The following PKIB variants were observed in gnomAD, a reference collection of about 807,000 sequenced individuals.
PKIB encodes the protein cAMP-dependent protein kinase inhibitor beta, also known as PKI-beta.
PKIB carries 2 observed loss-of-function variants against 4.5 expected under a neutral mutation model. That is an observed-to-expected ratio of 0.44 (90% CI 0.18 to 1.39). The LOEUF is 1.39. PKIB is among the 40% of genes most tolerant of loss of function. The pLI is 0.27. For missense variants in PKIB, 94 were observed against 92.6 expected (o/e 1.02, Z -0.06); for synonymous variants, 38 against 36.0 (o/e 1.06, Z -0.20).
At chr6:122,600,011 A>ATAGCTATAGCTATATC (rs1774311576) in intron 3 of PKIB, among the ~76,000 whole-genome samples, 2 of 151,774 alleles carry the variant, frequency 1.3e-5, no homozygotes, top group African/African-American at 4.8e-5. Flanking sequence ...ATCTATATCT[A>ATAGCTATAGCTATATC]TATCTATATC....
chr6:122,660,505 C>G (rs376571790), intron 2 of PKIB, among the ~76,000 whole-genome samples: 214 of 152,250 alleles, frequency 1.4e-3, no homozygotes, highest in African/African-American at 5.0e-3. Context: ...GTCACGTTCT[C>G]CATGCTTGGA....
At chr6:122,684,248 A>C (rs1778010512) in intron 3 of PKIB, among the ~76,000 whole-genome samples, 1 of 152,238 alleles carries the variant, frequency 6.6e-6, no homozygotes, top group Non-Finnish European at 1.5e-5. Context: ...AAAATGAGTA[A>C]GCTCTACAGA....
intron 3 of PKIB, among the ~76,000 whole-genome samples, chr6:122,603,678 G>A (rs1050829290): frequency 6.6e-6 from 1 of 152,020 alleles, no homozygotes; most frequent in African/African-American, 2.4e-5. Context: ...ATGGGGTTTT[G>A]CCACGTTGGC....
intron 1 of PKIB, among the ~76,000 whole-genome samples, chr6:122,632,790 T>A (rs144385667): frequency 6.6e-6 from 1 of 152,338 alleles, no homozygotes; most frequent in African/African-American, 2.4e-5. Flanking sequence ...GATGAACGGT[T>A]GCAGGGATAT....
intron 2 of PKIB, among the ~76,000 whole-genome samples, chr6:122,519,511 A>G (rs902591151): frequency 2.0e-5 from 3 of 152,168 alleles, no homozygotes; most frequent in Non-Finnish European, 4.4e-5. Flanking sequence ...TGGTGTCAAA[A>G]AGGTTGGAGA....
intron 2 of PKIB, among the ~76,000 whole-genome samples, chr6:122,505,705 C>T (rs1349352154): frequency 1.3e-5 from 2 of 151,898 alleles, no homozygotes; most frequent in Admixed American, 6.6e-5. Context: ...TTTTTTATCC[C>T]TTTTTTTAGA....
At chr6:122,715,693 A>G (rs1027288232) in intron 3 of PKIB, among the ~76,000 whole-genome samples, 1 of 150,850 alleles carries the variant, frequency 6.6e-6, no homozygotes, top group Non-Finnish European at 1.5e-5. Flanking sequence ...ACTTTAACAA[A>G]CTTTTAGATA....
chr6:122,552,592 C>T (rs9388092), intron 2 of PKIB, among the ~76,000 whole-genome samples: 4 of 151,898 alleles, frequency 2.6e-5, no homozygotes, highest in East Asian at 3.9e-4. Context: ...TTGCCAGGCT[C>T]GTCTCAAACT....
chr6:122,586,360 A>G (rs1260885145), intron 3 of PKIB, among the ~76,000 whole-genome samples: 1 of 152,140 alleles, frequency 6.6e-6, no homozygotes, highest in Non-Finnish European at 1.5e-5. Context: ...TAATGTAACT[A>G]TATTTTCTAT....
At chr6:122,523,744 C>T (rs541853859) in intron 2 of PKIB, among the ~76,000 whole-genome samples, 1 of 151,710 alleles carries the variant, frequency 6.6e-6, no homozygotes, top group African/African-American at 2.4e-5. Flanking sequence ...GATCAAGCCA[C>T]TGCACTCCAG....
chr6:122,624,172 A>G (rs910325141), intron 1 of PKIB, among the ~76,000 whole-genome samples: 7 of 152,192 alleles, frequency 4.6e-5, no homozygotes, highest in South Asian at 4.1e-4. Flanking sequence ...GTACCAAATT[A>G]TTTCAGGAGG....
chr6:122,627,916 C>T (rs1377224627), intron 1 of PKIB, among the ~76,000 whole-genome samples: 2 of 151,884 alleles, frequency 1.3e-5, no homozygotes, highest in African/African-American at 2.4e-5. Flanking sequence ...AATAAGTAAA[C>T]TCATACAAGA....
At chr6:122,523,381 G>A (rs981872931) in intron 2 of PKIB, among the ~76,000 whole-genome samples, 20 of 152,064 alleles carry the variant, frequency 1.3e-4, no homozygotes, top group African/African-American at 2.7e-4. Flanking sequence ...GTGTCCCCAC[G>A]CAAATCTTGT....
chr6:122,527,389 A>G (rs1362794127), intron 2 of PKIB, among the ~76,000 whole-genome samples: 2 of 152,092 alleles, frequency 1.3e-5, no homozygotes, highest in Non-Finnish European at 2.9e-5. Flanking sequence ...AGCTTTGGAC[A>G]TGCTTTTCCA....
intron 3 of PKIB, among the ~76,000 whole-genome samples, chr6:122,591,006 A>T (rs1774001743): frequency 6.6e-6 from 1 of 151,892 alleles, no homozygotes; most frequent in African/African-American, 2.4e-5. Context: ...ATCTTTCACG[A>T]GTTTTGCCTT....
chr6:122,484,957 T>A (rs777119735), intron 2 of PKIB, among the ~76,000 whole-genome samples: 8 of 152,186 alleles, frequency 5.3e-5, no homozygotes, highest in Non-Finnish European at 1.2e-4. Context: ...ACTCTTACAC[T>A]GCCTCGTGTT....
chr6:122,541,647 G>A (rs1777607614), intron 2 of PKIB, among the ~76,000 whole-genome samples: 1 of 151,766 alleles, frequency 6.6e-6, no homozygotes, highest in Non-Finnish European at 1.5e-5. Context: ...TGGTGAATCT[G>A]ACAATTATGT....
chr6:122,499,516 C>T (rs1776163033), intron 2 of PKIB, among the ~76,000 whole-genome samples: 1 of 152,132 alleles, frequency 6.6e-6, no homozygotes, highest in South Asian at 2.1e-4. Context: ...AGCATCCCTT[C>T]ATGAAAAGAA....
At chr6:122,604,240 A>G (rs1428730915) in intron 3 of PKIB, among the ~76,000 whole-genome samples, 1 of 152,248 alleles carries the variant, frequency 6.6e-6, no homozygotes, top group Non-Finnish European at 1.5e-5. Flanking sequence ...TTTTAAGGGC[A>G]TGTCAAAAAC....
Sources: allele counts gnomAD v4.1 joint callset (sites outside exome capture counted in the v4.1 genomes callset), GRCh38; gene constraint gnomAD v4.1.1; transcripts MANE v1.5; gene names NCBI Gene and HGNC (gene_info 2026-07-23, HGNC 2026-07-21).